The following ZNF677 variants were observed in gnomAD, a reference collection of about 807,000 sequenced individuals.
ZNF677 encodes the protein zinc finger protein 677.
A neutral mutation model predicts 8.1 loss-of-function variants in ZNF677; 5 were observed. The observed-to-expected ratio is 0.62, with a 90% CI of 0.32 to 1.29. The LOEUF is 1.29. Among genes scored for constraint, ZNF677 ranks in the 50% most tolerant of loss-of-function variants. The pLI, the probability that ZNF677 is intolerant of heterozygous loss-of-function variation, is 0.05. For synonymous variants in ZNF677, 221 were observed against 225.6 expected (o/e 0.98, Z 0.18); for missense variants, 685 against 685.9 (o/e 1.00, Z 0.01).
chr19:53,237,847 T>C lies in ZNF677; in HGVS notation c.880A>G (p.Asn294Asp). 1 of 1,613,500 alleles carries C rather than the reference T, an allele frequency of 6.2e-7. No homozygotes were observed. Among genetic ancestry groups the C allele is most frequent in the African/African-American group, 1.3e-5 (1 of 75,042 alleles). The change falls in exon 5 of 5, where the codon AAC (asparagine) becomes GAC (aspartate). Residue 294 changes from asparagine (N) to aspartate (D), a missense_variant. Coordinates refer to ENST00000598513, the MANE Select transcript of ZNF677 (RefSeq NM_182609.4). ...TGGTTAAAGGCTTTGCCACACTCGT[T>C]ACATTTGTAAGGTCTCTGTCCAGAG... is the stretch of plus-strand genomic sequence containing the variant. ...IHSGQRPYKCNECGKAFNQCS... is the reference protein window; with the variant it reads ...IHSGQRPYKCDECGKAFNQCS...
chr19:53,243,412 C>T (rs1426241086), intron 4 of ZNF677: 4 of 417,646 alleles, frequency 9.6e-6, no homozygotes, highest in East Asian at 8.0e-5. Flanking sequence ...CTTCTGAATG[C>T]TTAGGGATTA....
intron 4 of ZNF677, chr19:53,243,346 G>C (rs1331739890): frequency 3.9e-5 from 7 of 177,510 alleles, no homozygotes; most frequent in Non-Finnish European, 6.8e-5. Context: ...CATTACACAT[G>C]GGTCTGCAAA....
intron 1 of ZNF677, among the ~76,000 whole-genome samples, chr19:53,253,635 CG>C (rs1289309987): frequency 4.6e-5 from 7 of 152,088 alleles, no homozygotes; most frequent in African/African-American, 1.7e-4. Context: ...TGCAGTGAGC[CG>C]AGATCAAGCC....
At chr19:53,248,888 C>T (rs1024452631) in intron 3 of ZNF677, among the ~76,000 whole-genome samples, 4 of 152,146 alleles carry the variant, frequency 2.6e-5, no homozygotes, top group Non-Finnish European at 2.9e-5. Context: ...ATTCTTTCTG[C>T]CTTTTGCTTT....
intron 4 of ZNF677, chr19:53,242,810 T>A (rs2965221): frequency 0.74 from 119,503 of 161,642 alleles, 44,856 homozygotes; most frequent in African/African-American, 0.87. Context: ...TTATATACAC[T>A]AAAAGAGAGT....
At chr19:53,249,639 T>C (rs1285207399) in intron 3 of ZNF677, among the ~76,000 whole-genome samples, 1 of 152,216 alleles carries the variant, frequency 6.6e-6, no homozygotes. Flanking sequence ...CTGATGGAGA[T>C]AGTGGGTGAT....
chr19:53,246,402 G>A (rs1436341783), intron 3 of ZNF677, among the ~76,000 whole-genome samples: 1 of 150,614 alleles, frequency 6.6e-6, no homozygotes, highest in African/African-American at 2.4e-5. Flanking sequence ...AGAGAGATAG[G>A]TACTTCCATA....
At chr19:53,249,635 G>A (rs2091202026) in intron 3 of ZNF677, among the ~76,000 whole-genome samples, 1 of 152,202 alleles carries the variant, frequency 6.6e-6, no homozygotes, top group South Asian at 2.1e-4. Context: ...GTTCCTGATG[G>A]AGATAGTGGG....
chr19:53,243,276 T>C (rs1451968090), intron 4 of ZNF677: 1 of 170,942 alleles, frequency 5.8e-6, no homozygotes, highest in South Asian at 1.8e-4. Context: ...AAAAGGAACA[T>C]GGTATGCTGT....
At chr19:53,248,664 G>T (rs1326402322) in intron 3 of ZNF677, among the ~76,000 whole-genome samples, 2 of 152,132 alleles carry the variant, frequency 1.3e-5, no homozygotes, top group Non-Finnish European at 2.9e-5. Flanking sequence ...TTTCTGATGA[G>T]AATTTGGCTC....
At chr19:53,251,063 C>A (rs1469775103) in intron 3 of ZNF677, among the ~76,000 whole-genome samples, 1 of 152,236 alleles carries the variant, frequency 6.6e-6, no homozygotes, top group African/African-American at 2.4e-5. Context: ...CAGAAACACA[C>A]TGATTCAATT....
Position 53,237,238 on chromosome 19 carries a change from T to G in ZNF677, c.1489A>C (p.Thr497Pro), listed in dbSNP as rs2090980770. Reference sequence around the variant, plus strand: ...TGCTGAGTAAGATTTGAACGTTCAGTAAAGGCTTTGCCACATTCAGTACAT... The same window carrying G: ...TGCTGAGTAAGATTTGAACGTTCAGGAAAGGCTTTGCCACATTCAGTACAT... ...YKCTECGKAF[T>P]ERSNLTQHKK... Residue 497 changes from threonine (T) to proline (P), a missense_variant, in exon 5 of 5, where the codon ACT (threonine) becomes CCT (proline). Coordinates refer to ENST00000598513, the MANE Select transcript of ZNF677 (RefSeq NM_182609.4). 3 of 1,612,800 alleles carry G rather than the reference T, an allele frequency of 1.9e-6. No individual in the cohort carries two copies. The East Asian group carries it at 6.7e-5, about 36-fold the overall frequency.
chr19:53,251,706 C>T (rs2091236835), intron 2 of ZNF677, 101 bp from the exon 3 acceptor site: 5 of 768,196 alleles, frequency 6.5e-6, no homozygotes, highest in Non-Finnish European at 1.0e-5. Flanking sequence ...AAAGATGGTC[C>T]TTAGCTTCCA....
In ZNF677 at chr19:53,235,502, T is replaced by TAC; in HGVS notation, c.*1468_*1469dup. Reference sequence around the variant, plus strand: ...AAATGTGAATCCCCTATAAGAACACTACTCTGGTTCTTTTGATGGAACTGT... The same window carrying TAC: ...AAATGTGAATCCCCTATAAGAACACTACACTCTGGTTCTTTTGATGGAACTGT... On this transcript the variant is annotated 3_prime_UTR_variant, in exon 5 of 5. Transcript: ENST00000598513. 6.6e-6 allele frequency: 1 copy of TAC among 152,214 alleles called. No homozygotes were observed. Among genetic ancestry groups the TAC allele is most frequent in the East Asian group, 1.9e-4 (1 of 5,196 alleles). The allele number at this position is 152,214 out of a possible 1,614,324, so 9.4% of individuals were successfully genotyped here.
At chr19:53,239,690 A>C (rs893970574) in intron 4 of ZNF677, 1 of 152,200 alleles carries the variant, frequency 6.6e-6, no homozygotes, top group Non-Finnish European at 1.5e-5. Context: ...CACTTGACAT[A>C]TCTTATTCAT....
rs770052756 is a variant in ZNF677 at position 53,237,044 on chromosome 19, A to G, written c.1683T>C (p.His561=). ...GTTTTTCTCTATTATAACTTTTTTGATGATCTCCAAGGTTTGAACTTTGGA... is the reference window on the plus strand; with the variant it reads ...GTTTTTCTCTATTATAACTTTTTTGGTGATCTCCAAGGTTTGAACTTTGGA... The part of the protein sequence containing the change: ...ALFQSSNLGD[H]QKSYNREKHI... The change falls in exon 5 of 5, where the codon CAT becomes CAC. Residue 561 remains histidine (H), a synonymous_variant. Transcript: ENST00000598513. 25 of 1,602,820 alleles carry G rather than the reference A, an allele frequency of 1.6e-5. No individual in the cohort carries two copies. The South Asian group carries it at 2.8e-4, about 18-fold the overall frequency.
Position 53,235,525 on chromosome 19 carries a change from T to C in ZNF677, c.*1447A>G, listed in dbSNP as rs2090965834. ...ACTACTCTGGTTCTTTTGATGGAAC[T>C]GTCCTCTATGGTAACCATTCTCTCT... is the stretch of plus-strand genomic sequence containing the variant. On this transcript the variant is annotated 3_prime_UTR_variant, in exon 5 of 5. Coordinates refer to ENST00000598513, the MANE Select transcript of ZNF677 (RefSeq NM_182609.4). The C allele has an allele frequency of 6.6e-6, 1 of 152,228 alleles. No homozygotes were observed. The highest frequency in any genetic ancestry group is 6.5e-5 in the Admixed American group (1 of 15,292). The allele number at this position is 152,228 out of a possible 1,614,324, so 9.4% of individuals were successfully genotyped here. A position where few individuals can be genotyped will look rare whatever the true frequency, so the allele number is the denominator to read the frequency against.
chr19:53,236,490 A>T lies in ZNF677; in HGVS notation c.*482T>A, dbSNP rs1285967860. 1 of 152,736 alleles carries T rather than the reference A, an allele frequency of 6.5e-6. No individual in the cohort carries two copies. Among genetic ancestry groups the T allele is most frequent in the Non-Finnish European group, 1.5e-5 (1 of 68,420 alleles). 9.5% of individuals were successfully genotyped at this position (152,736 alleles called of 1,614,324 possible). ...CTTTTTAAAATTGTCTGTGAATTTA[A>T]CATCAATCACTTAATCTTCAAGAAG... is the stretch of plus-strand genomic sequence containing the variant. On this transcript the variant is annotated 3_prime_UTR_variant, in exon 5 of 5. Transcript: ENST00000598513.
At chr19:53,253,810 A>G (rs1460149278) in intron 1 of ZNF677, among the ~76,000 whole-genome samples, 2 of 152,270 alleles carry the variant, frequency 1.3e-5, no homozygotes, top group Non-Finnish European at 2.9e-5. Context: ...ATGGAATTAC[A>G]TTTAAGACAA....
Sources: allele counts gnomAD v4.1 joint callset (sites outside exome capture counted in the v4.1 genomes callset), GRCh38; gene constraint gnomAD v4.1.1; transcripts MANE v1.5; gene names NCBI Gene and HGNC (gene_info 2026-07-23, HGNC 2026-07-21).